E2F8: variants seen among roughly 807,000 people sequenced by gnomAD.
The protein encoded by E2F8 is transcription factor E2F8.
Under a neutral mutation model 80.8 loss-of-function variants are expected in E2F8, and 35 were observed. The ratio of observed to expected loss-of-function variants is 0.43; its 90% CI spans 0.33 to 0.57. The LOEUF (loss-of-function observed/expected upper bound fraction) is 0.57. E2F8 is among the 20% of genes least tolerant of loss of function. E2F8 has a pLI of 0.04. For missense variants in E2F8, 975 were observed against 1,056.2 expected, an observed-to-expected ratio of 0.92 and a Z score of 1.07; for synonymous variants, 386 against 395.0, an observed-to-expected ratio of 0.98 and a Z score of 0.27.
Position 19,225,827 on chromosome 11 carries a change from T to C in E2F8, c.1931A>G (p.Gln644Arg). Reference protein sequence around the residue: ...FPSGYLIPLTQCSSLGAESIL... With the variant: ...FPSGYLIPLTRCSSLGAESIL... The stretch of plus-strand genomic sequence containing the variant: ...GGACTCTGCCCCCAGGGATGAGCAC[T>C]GCGTGAGAGGGATTAGGTATCCTGA... The change falls in exon 11 of 13, where the codon CAG becomes CGG. Residue 644 changes from glutamine (Q) to arginine (R), a missense_variant. Gln to Arg is a conservative substitution (Grantham distance 43, BLOSUM62 1). Transcript: ENST00000250024. 6.2e-7 allele frequency: 1 copy of C among 1,614,180 alleles called. No individual in the cohort carries two copies. The highest frequency in any genetic ancestry group is 1.1e-5 in the South Asian group (1 of 91,082).
chr11:19,229,907 A>G lies in E2F8; in HGVS notation c.1440T>C (p.Asn480=), dbSNP rs776710633. The G allele has an allele frequency of 1.2e-6, 2 of 1,614,096 alleles. No homozygotes were observed. The highest frequency in any genetic ancestry group is 1.1e-5 in the South Asian group (1 of 91,076). ...KPVAPLDPPV[N]AEMELTAPSL... is the part of the protein sequence containing the mutation. ...ACGGTGCTGTCAGCTCCATCTCAGC[A>G]TTCACTGGGGGGTCCAGAGGGGCTA... Residue 480 remains asparagine (N), a synonymous_variant, in exon 10 of 13, where the codon AAT becomes AAC. Coordinates refer to ENST00000250024, the MANE Select transcript of E2F8 (RefSeq NM_024680.4). The surrounding 1 kb of genome is among the most constrained non-coding windows in gnomAD (Gnocchi z 4.3).
At chr11:19,237,621 G>C in intron 3 of E2F8, 151 bp from the exon 4 acceptor site, 1 of 1,040,778 alleles carries the variant, frequency 9.6e-7, no homozygotes, top group Non-Finnish European at 1.4e-6. Context: ...AGGGGGGCCA[G>C]TACAAAATGC....
At chr11:19,235,154 G>C in intron 4 of E2F8, 96 bp from the exon 5 acceptor site, 2 of 1,113,156 alleles carry the variant, frequency 1.8e-6, no homozygotes, top group Non-Finnish European at 2.5e-6. Context: ...AGTAGGTCTT[G>C]GATAATATCA....
chr11:19,224,627 T>C lies in E2F8; in HGVS notation c.*31A>G. 1 of 1,607,102 alleles carries C rather than the reference T, an allele frequency of 6.2e-7. No individual in the cohort carries two copies. Among genetic ancestry groups the C allele is most frequent in the Non-Finnish European group, 8.5e-7 (1 of 1,174,748 alleles). On this transcript the variant is annotated 3_prime_UTR_variant, in exon 13 of 13. Coordinates refer to ENST00000250024, the MANE Select transcript of E2F8 (RefSeq NM_024680.4). ...ACATTTTCTCTATTAAACAACTCTT[T>C]AGAAAATTAAACTAAGCCAACATCT...
chr11:19,238,574 A>C (rs1312885635), intron 2 of E2F8, among the ~76,000 whole-genome samples: 1 of 152,230 alleles, frequency 6.6e-6, no homozygotes, highest in Admixed American at 6.5e-5. Context: ...GTAATAAGTA[A>C]AGGCCTACAG....
rs778683552 is a variant in E2F8, at chr11:19,235,075, A to G, written c.452-17T>C. On this transcript the variant is annotated splice_polypyrimidine_tract_variant and intron_variant, in intron 4 of 12. Coordinates refer to ENST00000250024, the MANE Select transcript of E2F8 (RefSeq NM_024680.4). ...GTTCAACATCTACAAAGAATGTGCAATTGTGTGTTACAGATTTTTGTAACG... is the reference window on the plus strand; with the variant it reads ...GTTCAACATCTACAAAGAATGTGCAGTTGTGTGTTACAGATTTTTGTAACG... 13 of 1,579,462 alleles carry G rather than the reference A, an allele frequency of 8.2e-6. No homozygotes were observed. The highest frequency in any genetic ancestry group is 1.2e-5 in the South Asian group (1 of 85,346).
chr11:19,233,778 G>A (rs1483576160), intron 6 of E2F8, among the ~76,000 whole-genome samples: 1 of 151,930 alleles, frequency 6.6e-6, no homozygotes, highest in Non-Finnish European at 1.5e-5. Flanking sequence ...TTCAGCCACC[G>A]CGCCTGGCCG....
chr11:19,225,651 A>G lies in E2F8; in HGVS notation c.2027-36T>C, dbSNP rs200050690. 1.9e-6 allele frequency: 3 copies of G among 1,609,720 alleles called. No homozygotes were observed. The Admixed American group carries it at 5.0e-5, about 27-fold the overall frequency. On this transcript the variant is annotated intron_variant, in intron 11 of 12. Transcript: ENST00000250024. ...AAGGGGGAAGATATCTTAAAAGCAC[A>G]GGCATTTATCCAAGAAGTTGACAAG...
chr11:19,228,628 C>A (rs989110994), intron 10 of E2F8, among the ~76,000 whole-genome samples: 1 of 152,012 alleles, frequency 6.6e-6, no homozygotes, highest in East Asian at 1.9e-4. Context: ...TTTACCGATG[C>A]GGAAAAATAA....
intron 6 of E2F8, among the ~76,000 whole-genome samples, chr11:19,232,961 A>G (rs1485100795): frequency 6.6e-6 from 1 of 152,216 alleles, no homozygotes; most frequent in Non-Finnish European, 1.5e-5. Context: ...TCTTGATAGT[A>G]CAAATTACAA....
intron 10 of E2F8, 77 bp from the exon 11 acceptor site, chr11:19,225,941 A>G: frequency 2.0e-6 from 3 of 1,529,516 alleles, no homozygotes; most frequent in South Asian, 2.4e-5. Context: ...TTTCAGGACT[A>G]ATATCCCTTG....
At chr11:19,234,338 C>A (rs1177857803) in intron 6 of E2F8, 22 bp downstream of exon 6, 1 of 1,610,586 alleles carries the variant, frequency 6.2e-7, no homozygotes, top group African/African-American at 1.3e-5. Context: ...GTTCAAAAAT[C>A]CATGGCAGTC....
chr11:19,236,772 C>T (rs921653072), intron 4 of E2F8, among the ~76,000 whole-genome samples: 5 of 152,270 alleles, frequency 3.3e-5, no homozygotes, highest in East Asian at 3.9e-4. Flanking sequence ...AAATTCACCA[C>T]GGGCCCCTTT....
chr11:19,229,396 C>T lies in E2F8; in HGVS notation c.1893+58G>A. On this transcript the variant is annotated intron_variant, in intron 10 of 12. Coordinates refer to ENST00000250024, the MANE Select transcript of E2F8 (RefSeq NM_024680.4). This position sits in a 1 kb window ranked among gnomAD's most constrained non-coding sequence, Gnocchi z 4.3. ...TCGGTAAATTTCACAAGCCACCAAT[C>T]TTCCTGTAATAGACTAGGGAATTCC... 2 of 1,531,498 alleles carry T rather than the reference C, an allele frequency of 1.3e-6. No homozygotes were observed. Among genetic ancestry groups the T allele is most frequent in the Non-Finnish European group, 1.8e-6 (2 of 1,142,506 alleles). The allele number at this position is 1,531,498 out of a possible 1,614,324, so 94.9% of individuals were successfully genotyped here. A position where few individuals can be genotyped will look rare whatever the true frequency, so the allele number is the denominator to read the frequency against.
rs1387620664 is a variant in E2F8, at chr11:19,230,805, A to C, written c.1096T>G (p.Ser366Ala). The change falls in exon 8 of 13, where the codon TCT becomes GCT. Residue 366 changes from serine (S) to alanine (A), a missense_variant. Ser to Ala is a moderately conservative substitution (Grantham distance 99, BLOSUM62 1). Coordinates refer to ENST00000250024, the MANE Select transcript of E2F8 (RefSeq NM_024680.4). ...GAAGACCGTCTCACCTCCAAATCAG[A>C]GGGAGTAAAATGAATGACTGGGCTG... ...GSSPVIHFTP[S>A]DLEVRRSSKE... 6.2e-7 allele frequency: 1 copy of C among 1,614,162 alleles called. No individual in the cohort carries two copies.
intron 12 of E2F8, 147 bp downstream of exon 12, chr11:19,225,074 T>C: frequency 7.9e-7 from 1 of 1,269,750 alleles, no homozygotes; most frequent in Non-Finnish European, 1.1e-6. Context: ...TCTTCCTGGG[T>C]TCTGGAAGAA....
intron 8 of E2F8, 97 bp from the exon 9 acceptor site, chr11:19,230,425 C>T: frequency 4.7e-6 from 6 of 1,288,118 alleles, no homozygotes; most frequent in South Asian, 2.7e-5. Context: ...AGAAAGTGTG[C>T]ACCTCCCCTC....
At chr11:19,238,842 T>G (rs771954937) in intron 2 of E2F8, among the ~76,000 whole-genome samples, 13 of 152,246 alleles carry the variant, frequency 8.5e-5, no homozygotes, top group Non-Finnish European at 1.5e-4. Context: ...AAAGTAATTG[T>G]GGCTTTTGCT....
chr11:19,231,764 C>A (rs2133566217), intron 7 of E2F8, among the ~76,000 whole-genome samples: 1 of 152,314 alleles, frequency 6.6e-6, no homozygotes, highest in African/African-American at 2.4e-5. Context: ...GATTGTACTT[C>A]TTGAACACAG....
Sources: allele counts gnomAD v4.1 joint callset (sites outside exome capture counted in the v4.1 genomes callset), GRCh38; gene constraint gnomAD v4.1.1; non-coding constraint Gnocchi (gnomAD v3.1); transcripts MANE v1.5; gene names NCBI Gene and HGNC (gene_info 2026-07-23, HGNC 2026-07-21).